The following FTO variants were observed in gnomAD, a reference collection of about 807,000 sequenced individuals.
FTO encodes the protein alpha-ketoglutarate-dependent dioxygenase FTO.
FTO carries 47 observed loss-of-function variants against 63.9 expected under a neutral mutation model. The observed-to-expected ratio is 0.74, with a 90% confidence interval of 0.58 to 0.94. The LOEUF (loss-of-function observed/expected upper bound fraction) is 0.94, where lower values mean the gene tolerates loss of function less well. FTO is among the 40% of genes least tolerant of loss of function. The pLI is 0.00. For synonymous variants in FTO, 207 were observed against 224.4 expected, an observed-to-expected ratio of 0.92 and a Z score of 0.69; for missense variants, 562 against 618.1, an observed-to-expected ratio of 0.91 and a Z score of 0.96.
chr16:53,746,050 T>C (rs1415572883), intron 1 of FTO, among the ~76,000 whole-genome samples: 3 of 152,236 alleles, frequency 2.0e-5, no homozygotes, highest in Admixed American at 2.0e-4. Flanking sequence ...TCTGGCAGCC[T>C]GTATCCATTT....
At chr16:53,718,132 A>G (rs2075941516) in intron 1 of FTO, among the ~76,000 whole-genome samples, 1 of 152,076 alleles carries the variant, frequency 6.6e-6, no homozygotes, top group African/African-American at 2.4e-5. Flanking sequence ...TTTGTGGTAA[A>G]TCATTTTTCT....
At chr16:53,855,457 A>G (rs965816251) in intron 4 of FTO, among the ~76,000 whole-genome samples, 22 of 152,178 alleles carry the variant, frequency 1.4e-4, no homozygotes, top group African/African-American at 3.6e-4. Flanking sequence ...TGTATCCTGT[A>G]CAGCACCTAA....
intron 8 of FTO, among the ~76,000 whole-genome samples, chr16:54,108,520 G>C (rs59216419): frequency 1.3e-5 from 2 of 152,068 alleles, no homozygotes; most frequent in African/African-American, 4.8e-5. Flanking sequence ...CCCCTAGAAG[G>C]AGTCTGTCTA....
chr16:54,104,223 A>G (rs1160928374), intron 8 of FTO, among the ~76,000 whole-genome samples: 1 of 151,846 alleles, frequency 6.6e-6, no homozygotes, highest in Non-Finnish European at 1.5e-5. Flanking sequence ...TTGTTGCCCT[A>G]TGACATCATT....
chr16:54,036,092 A>G (rs959368420), intron 8 of FTO, among the ~76,000 whole-genome samples: 3 of 152,168 alleles, frequency 2.0e-5, no homozygotes, highest in African/African-American at 7.2e-5. Flanking sequence ...TCTCTGGTAT[A>G]TCGTTAAATA....
chr16:53,826,533 T>C, intron 3 of FTO, 42 bp downstream of exon 3: 1 of 1,601,384 alleles, frequency 6.2e-7, no homozygotes, highest in Non-Finnish European at 8.5e-7. Flanking sequence ...TATGTAATAA[T>C]ATGACCCGAG....
intron 8 of FTO, among the ~76,000 whole-genome samples, chr16:54,050,195 G>C (rs1019481296): frequency 1.6e-4 from 25 of 152,120 alleles, no homozygotes; most frequent in African/African-American, 6.0e-4. Flanking sequence ...TGTCAATTAT[G>C]AGTCCCAGAA....
intron 7 of FTO, among the ~76,000 whole-genome samples, chr16:53,925,885 CTT>C: frequency 6.6e-6 from 1 of 152,268 alleles, no homozygotes; most frequent in East Asian, 1.9e-4. Context: ...AGACAGGAAA[CTT>C]AAGCATAAAA....
chr16:54,010,256 A>T (rs915711768), intron 8 of FTO, among the ~76,000 whole-genome samples: 1 of 152,036 alleles, frequency 6.6e-6, no homozygotes, highest in Admixed American at 6.6e-5. Flanking sequence ...TCTGCAAGGT[A>T]AAAAAATTAA....
chr16:53,726,475 G>A (rs539956712), intron 1 of FTO, among the ~76,000 whole-genome samples: 1 of 152,262 alleles, frequency 6.6e-6, no homozygotes, highest in East Asian at 1.9e-4. Context: ...ATGTGTATGT[G>A]TCTGAGGCTA....
intron 7 of FTO, among the ~76,000 whole-genome samples, chr16:53,901,029 G>A (rs1032272905): frequency 3.3e-5 from 5 of 152,126 alleles, no homozygotes; most frequent in African/African-American, 1.2e-4. Context: ...TGCTAAACAT[G>A]TGCAACTAAA....
At position 53,873,777 on chromosome 16, in the gene FTO, T is replaced by C; in HGVS notation, c.896-9T>C. ...ATGGTTTTATACATTTCTGGTGTTT[T>C]TCCTGTAGATGATCTCAATGCCACC... On this transcript the variant is annotated splice_polypyrimidine_tract_variant and intron_variant, in intron 4 of 8. Transcript: ENST00000471389. 1 of 1,611,256 alleles carries C rather than the reference T, an allele frequency of 6.2e-7. No homozygotes were observed. The highest frequency in any genetic ancestry group is 1.1e-5 in the South Asian group (1 of 91,040).
chr16:53,929,658 A>T (rs926138960), intron 7 of FTO, among the ~76,000 whole-genome samples: 1 of 152,162 alleles, frequency 6.6e-6, no homozygotes, highest in Non-Finnish European at 1.5e-5. Context: ...TCCTCCTAGT[A>T]GTGTCTCAAC....
intron 3 of FTO, among the ~76,000 whole-genome samples, chr16:53,828,724 GA>G (rs1211336131): frequency 1.3e-5 from 2 of 152,166 alleles, no homozygotes; most frequent in Non-Finnish European, 2.9e-5. Context: ...CTGAGTCACA[GA>G]AGGTTGATTA....
intron 1 of FTO, among the ~76,000 whole-genome samples, chr16:53,705,844 AC>A (rs1392004712): frequency 1.3e-5 from 2 of 152,216 alleles, no homozygotes; most frequent in African/African-American, 2.4e-5. Flanking sequence ...TTTGTTGAGC[AC>A]CTATTATTTG....
intron 3 of FTO, among the ~76,000 whole-genome samples, chr16:53,835,934 A>C (rs1243582054): frequency 5.8e-5 from 8 of 138,624 alleles, no homozygotes; most frequent in African/African-American, 2.2e-4. Flanking sequence ...CTTGTCACCC[A>C]GGCTGGTGTG....
At chr16:53,749,202 C>T (rs2076721066) in intron 1 of FTO, among the ~76,000 whole-genome samples, 1 of 152,134 alleles carries the variant, frequency 6.6e-6, no homozygotes, top group African/African-American at 2.4e-5. Flanking sequence ...TTAGTTCTAA[C>T]AGTATTTTGG....
chr16:53,988,527 A>G (rs1347876375), intron 8 of FTO, among the ~76,000 whole-genome samples: 1 of 152,160 alleles, frequency 6.6e-6, no homozygotes, highest in East Asian at 1.9e-4. Flanking sequence ...TTAGATGGCA[A>G]GGAAAGGAAA....
intron 1 of FTO, among the ~76,000 whole-genome samples, chr16:53,745,100 T>C (rs1195892142): frequency 6.6e-6 from 1 of 152,234 alleles, no homozygotes; most frequent in Non-Finnish European, 1.5e-5. Context: ...AAAGCAAATA[T>C]TGCCAAACAA....
Sources: allele counts gnomAD v4.1 joint callset (sites outside exome capture counted in the v4.1 genomes callset), GRCh38; gene constraint gnomAD v4.1.1; transcripts MANE v1.5; gene names NCBI Gene and HGNC (gene_info 2026-07-23, HGNC 2026-07-21).